The following GPHN variants were observed in gnomAD, a reference collection of about 807,000 sequenced individuals.
GPHN encodes the protein gephyrin.
In GPHN, 17 loss-of-function variants were observed where a neutral mutation model predicts 95.5. The ratio of observed to expected loss-of-function variants is 0.18; its 90% confidence interval spans 0.12 to 0.27. The LOEUF (loss-of-function observed/expected upper bound fraction) is 0.27. Among genes scored for constraint, GPHN ranks in the 10% least tolerant of loss-of-function variants. The pLI is 1.00. For missense variants in GPHN, 660 were observed against 978.1 expected, an observed-to-expected ratio of 0.67 and a Z score of 4.34; for synonymous variants, 320 against 322.5, an observed-to-expected ratio of 0.99 and a Z score of 0.08.
the GPHN span, among the ~76,000 whole-genome samples, chr14:67,391,294 TG>T: frequency 2.0e-5 from 3 of 151,326 alleles, no homozygotes; most frequent in African/African-American, 7.3e-5. Flanking sequence ...TGTGTGTGTG[TG>T]TGTGTGTGTG....
the GPHN span, chr14:67,722,767 G>A: frequency 5.8e-6 from 8 of 1,376,312 alleles, no homozygotes; most frequent in African/African-American, 7.1e-5. Flanking sequence ...ACTGGAAGCC[G>A]GTTCTCAGCT....
the GPHN span, among the ~76,000 whole-genome samples, chr14:67,545,983 C>G: frequency 6.6e-6 from 1 of 151,496 alleles, no homozygotes; most frequent in Admixed American, 6.6e-5. Context: ...TCTTAGATTA[C>G]AACAGTTAGA....
chr14:66,552,741 T>TA (rs1422441350), intron 1 of GPHN, among the ~76,000 whole-genome samples: 6 of 152,270 alleles, frequency 3.9e-5, no homozygotes, highest in African/African-American at 1.4e-4. Context: ...ACTTTAAAGA[T>TA]ATCATTTTAC....
intron 1 of GPHN, among the ~76,000 whole-genome samples, chr14:66,583,902 GT>G (rs1207501589): frequency 6.6e-6 from 1 of 151,838 alleles, no homozygotes; most frequent in African/African-American, 2.4e-5. Context: ...CTTTAAAGTA[GT>G]TTTTTCCAAT....
At chr14:66,832,593 T>G (rs954508936) in intron 4 of GPHN, among the ~76,000 whole-genome samples, 1 of 152,220 alleles carries the variant, frequency 6.6e-6, no homozygotes, top group African/African-American at 2.4e-5. Flanking sequence ...GCAGAATTTT[T>G]TTTTTTGTAT....
rs541101989 is a variant in GPHN, at chr14:67,053,507, G to C, written c.1007-5142G>C. 6.6e-5 allele frequency among the ~76,000 whole-genome samples: 10 copies of C among 152,248 alleles called. No homozygotes were observed. The East Asian group carries it at 1.7e-3, about 26-fold the overall frequency. ...ACCAAAAAAAGCCCAGGACCAGATG[G>C]ATTCACAGCCGAATTCTACGAGAGG... On this transcript the variant is annotated intron_variant, in intron 10 of 22. Coordinates refer to ENST00000478722, the MANE Select transcript of GPHN (RefSeq NM_020806.5).
chr14:66,759,923 TTAGAA>T (rs2058699446), intron 2 of GPHN, among the ~76,000 whole-genome samples: 1 of 152,190 alleles, frequency 6.6e-6, no homozygotes, highest in Admixed American at 6.5e-5. Flanking sequence ...TTGTATATTT[TTAGAA>T]TAGATTTATT....
chr14:67,712,348 T>TTTG, the GPHN span, among the ~76,000 whole-genome samples: 2 of 152,008 alleles, frequency 1.3e-5, no homozygotes, highest in East Asian at 3.9e-4. Context: ...ACTTAAAAAT[T>TTTG]TTGTTGTTGT....
At chr14:66,602,663 A>C (rs886179942) in intron 1 of GPHN, among the ~76,000 whole-genome samples, 1 of 151,964 alleles carries the variant, frequency 6.6e-6, no homozygotes, top group African/African-American at 2.4e-5. Flanking sequence ...CTGCAATAGT[A>C]AATGTTTATT....
At chr14:67,562,202 G>A in the GPHN span, 1 of 1,611,606 alleles carries the variant, frequency 6.2e-7, no homozygotes, top group Non-Finnish European at 8.5e-7. Flanking sequence ...GCAGGATTCT[G>A]TCCCTTCAGA....
At chr14:67,724,412 CG>C in the GPHN span, 1 of 784,928 alleles carries the variant, frequency 1.3e-6, no homozygotes, top group Non-Finnish European at 2.0e-6. Context: ...TTTTTTTTAA[CG>C]TATCTTAGTG....
intron 4 of GPHN, among the ~76,000 whole-genome samples, chr14:66,860,667 G>A (rs755218359): frequency 5.9e-5 from 9 of 151,792 alleles, no homozygotes; most frequent in Non-Finnish European, 1.0e-4. Flanking sequence ...ACGAATCAAC[G>A]ATAATAACCG....
At chr14:67,017,119 C>A (rs2073356970) in intron 9 of GPHN, among the ~76,000 whole-genome samples, 1 of 152,032 alleles carries the variant, frequency 6.6e-6, no homozygotes, top group South Asian at 2.1e-4. Flanking sequence ...CCTTTCATGT[C>A]ATAAAAAGCC....
Position 66,608,057 on chromosome 14 carries a change from A to G in GPHN, c.65-73050A>G, listed in dbSNP as rs534333544. 5.5e-5 allele frequency among the ~76,000 whole-genome samples: 4 copies of G among 73,390 alleles called. No individual in the cohort carries two copies. In the East Asian group the frequency reaches 1.4e-3, roughly 26 times the overall value. 48.1% of individuals were successfully genotyped at this position (73,390 alleles called of 152,430 possible). ...GCTTTGTGGTTTTTTTTTTTTTTCT[A>G]GTTCCTCTAGGTACAAAGTTAGATT... is the stretch of plus-strand genomic sequence containing the variant. On this transcript the variant is annotated intron_variant, in intron 1 of 22. Coordinates refer to ENST00000478722, the MANE Select transcript of GPHN (RefSeq NM_020806.5).
At chr14:67,523,017 G>A in the GPHN span, among the ~76,000 whole-genome samples, 2 of 152,270 alleles carry the variant, frequency 1.3e-5, no homozygotes, top group African/African-American at 4.8e-5. Context: ...TTTGAGAACT[G>A]GGCTCCTGAC....
At chr14:66,607,375 T>G (rs1481193847) in intron 1 of GPHN, among the ~76,000 whole-genome samples, 2 of 150,860 alleles carry the variant, frequency 1.3e-5, no homozygotes, top group African/African-American at 2.4e-5. Flanking sequence ...ATTTCGCTAG[T>G]TTTTTTTTGT....
At chr14:67,210,230 T>C in the GPHN span, among the ~76,000 whole-genome samples, 1 of 152,026 alleles carries the variant, frequency 6.6e-6, no homozygotes, top group Non-Finnish European at 1.5e-5. Flanking sequence ...AACCAGGAAA[T>C]AGTATGTCGA....
chr14:67,100,245 C>T (rs2153678246), intron 12 of GPHN, among the ~76,000 whole-genome samples: 1 of 152,274 alleles, frequency 6.6e-6, no homozygotes, highest in South Asian at 2.1e-4. Flanking sequence ...AGAAATTGTT[C>T]AGAGTACTTT....
At chr14:67,562,439 A>G in the GPHN span, 10 of 1,613,690 alleles carry the variant, frequency 6.2e-6, no homozygotes. Context: ...CCAGCCATGC[A>G]TGAAGCTTCT....
Sources: allele counts gnomAD v4.1 joint callset (sites outside exome capture counted in the v4.1 genomes callset), GRCh38; gene constraint gnomAD v4.1.1; transcripts MANE v1.5; gene names NCBI Gene and HGNC (gene_info 2026-07-23, HGNC 2026-07-21).